TRERF1: variants seen among roughly 807,000 people sequenced by gnomAD.
TRERF1 encodes transcriptional-regulating factor 1.
A neutral mutation model predicts 122.9 loss-of-function variants in TRERF1; 27 were observed. That is an observed-to-expected ratio of 0.22 (90% CI 0.16 to 0.30). The LOEUF (loss-of-function observed/expected upper bound fraction) is 0.30. Ranked by LOEUF, TRERF1 falls within the 10% of genes least tolerant of loss-of-function variation. TRERF1 has a pLI of 1.00. For synonymous variants in TRERF1, 636 were observed against 641.7 expected (o/e 0.99, Z 0.13); for missense variants, 1,248 against 1,560.3 (o/e 0.80, Z 3.37).
chr6:42,400,539 AC>A (rs1779240987), intron 2 of TRERF1, among the ~76,000 whole-genome samples: 8 of 152,232 alleles, frequency 5.3e-5, no homozygotes, highest in Admixed American at 5.2e-4. Flanking sequence ...CCTTTCCCCA[AC>A]CCCAATCACC....
intron 3 of TRERF1, among the ~76,000 whole-genome samples, chr6:42,359,127 T>G (rs1220983085): frequency 1.3e-5 from 2 of 152,158 alleles, no homozygotes; most frequent in African/African-American, 4.8e-5. Flanking sequence ...GGAGGCCCTG[T>G]GCCAACCAGT....
In TRERF1 at chr6:42,259,591, G is replaced by A. The variant is rs759438683; in HGVS notation, c.2017C>T (p.Pro673Ser). 2 of 1,613,964 alleles carry A rather than the reference G, an allele frequency of 1.2e-6. No homozygotes were observed. The highest frequency in any genetic ancestry group is 1.7e-6 in the Non-Finnish European group (2 of 1,179,944). The change falls in exon 9 of 18, where the codon CCC becomes TCC. Residue 673 changes from proline to serine, a missense_variant. This residue lies in a region of TRERF1 where 946 missense variants were observed against 1,073.0 expected (regional missense o/e 0.88). Coordinates refer to ENST00000372922, the Ensembl canonical transcript of TRERF1. The surrounding 1 kb of genome is among the most constrained non-coding windows in gnomAD (Gnocchi z 4.9). Reference sequence around the variant, plus strand: ...GTGGCGCCCGAGTAGGAGGCAGCGGGGTTCGGGTTGTAGGAGGGCGGCGGC... The same window carrying A: ...GTGGCGCCCGAGTAGGAGGCAGCGGAGTTCGGGTTGTAGGAGGGCGGCGGC...
chr6:42,365,717 C>G (rs2150988615), intron 2 of TRERF1, among the ~76,000 whole-genome samples: 1 of 152,264 alleles, frequency 6.6e-6, no homozygotes, highest in South Asian at 2.1e-4. Context: ...TTCCACTTCC[C>G]TCTCGTCTTT....
At chr6:42,374,352 C>T (rs1230839105) in intron 2 of TRERF1, among the ~76,000 whole-genome samples, 2 of 152,138 alleles carry the variant, frequency 1.3e-5, no homozygotes, top group African/African-American at 4.8e-5. Flanking sequence ...CCCCTTCCTC[C>T]TCTTCACCAC....
chr6:42,407,313 C>T (rs1015401106), intron 2 of TRERF1, among the ~76,000 whole-genome samples: 4 of 152,250 alleles, frequency 2.6e-5, no homozygotes, highest in South Asian at 2.1e-4. Context: ...CTCTTTTCAC[C>T]GTTATTCGCA....
chr6:42,449,868 T>C (rs906893594), intron 2 of TRERF1, among the ~76,000 whole-genome samples: 3 of 152,214 alleles, frequency 2.0e-5, no homozygotes, highest in Non-Finnish European at 4.4e-5. Flanking sequence ...AACCCATTTT[T>C]CTCGACCCTG....
At chr6:42,368,471 A>G (rs1181753608) in intron 2 of TRERF1, among the ~76,000 whole-genome samples, 1 of 151,856 alleles carries the variant, frequency 6.6e-6, no homozygotes, top group Non-Finnish European at 1.5e-5. Context: ...GGTAAAGATA[A>G]AACAGCAAGC....
At chr6:42,344,806 T>C (rs1287551507) in intron 3 of TRERF1, among the ~76,000 whole-genome samples, 2 of 152,158 alleles carry the variant, frequency 1.3e-5, no homozygotes, top group Non-Finnish European at 2.9e-5. Context: ...CTACCCACCT[T>C]CTTTGTCTTA....
At chr6:42,266,578 A>C (rs1174233276) in intron 5 of TRERF1, among the ~76,000 whole-genome samples, 2 of 152,216 alleles carry the variant, frequency 1.3e-5, no homozygotes, top group Non-Finnish European at 2.9e-5. Flanking sequence ...AACCCCAGAC[A>C]AAACAAACTC....
At chr6:42,413,084 C>A (rs186596457) in intron 2 of TRERF1, among the ~76,000 whole-genome samples, 68 of 152,336 alleles carry the variant, frequency 4.5e-4, no homozygotes, top group East Asian at 1.9e-4. Flanking sequence ...CACAAACCAT[C>A]TTCTACCCTC....
chr6:42,429,379 G>A (rs754458561), intron 2 of TRERF1, among the ~76,000 whole-genome samples: 40 of 152,170 alleles, frequency 2.6e-4, no homozygotes, highest in Non-Finnish European at 5.0e-4. Context: ...AGTAGGCTCC[G>A]GGCCGTCCTA....
chr6:42,354,244 T>C (rs1770077950), intron 3 of TRERF1, among the ~76,000 whole-genome samples: 2 of 152,224 alleles, frequency 1.3e-5, no homozygotes, highest in Admixed American at 1.3e-4. Flanking sequence ...ACATTTTCTA[T>C]ATATTTGTTT....
chr6:42,303,559 C>T (rs1786593918), intron 3 of TRERF1, among the ~76,000 whole-genome samples: 1 of 152,140 alleles, frequency 6.6e-6, no homozygotes, highest in Non-Finnish European at 1.5e-5. Flanking sequence ...ATCAGGACTG[C>T]ACTGTTTCTT....
chr6:42,227,908 ACAGAAT>A (rs755726768), exon 18 of TRERF1: 2 of 155,668 alleles, frequency 1.3e-5, no homozygotes, highest in African/African-American at 2.4e-5. Flanking sequence ...TGAGGTCAGA[ACAGAAT>A]CAAAGTAACG....
chr6:42,295,580 A>T (rs997790009), intron 4 of TRERF1, among the ~76,000 whole-genome samples: 2 of 152,176 alleles, frequency 1.3e-5, no homozygotes, highest in African/African-American at 2.4e-5. Context: ...CTGCCCCATA[A>T]GACCAGCTCA....
At chr6:42,414,087 CAA>C (rs1310521763) in intron 2 of TRERF1, among the ~76,000 whole-genome samples, 1 of 152,108 alleles carries the variant, frequency 6.6e-6, no homozygotes, top group Non-Finnish European at 1.5e-5. Flanking sequence ...CTTTGAAAGA[CAA>C]AATCAACAGG....
chr6:42,298,208 T>A (rs1785422145), intron 4 of TRERF1, among the ~76,000 whole-genome samples: 1 of 151,856 alleles, frequency 6.6e-6, no homozygotes, highest in African/African-American at 2.4e-5. Context: ...CAGGCTGGAG[T>A]GCAGTGGTAT....
chr6:42,409,045 C>T lies in TRERF1; in HGVS notation c.-454+42132G>A, dbSNP rs667199. ...GCTCATGCCTGTAATCCCAACAATTCGGGAGGCTGAAGCAGGAAGATAATT... is the reference window on the plus strand; with the variant it reads ...GCTCATGCCTGTAATCCCAACAATTTGGGAGGCTGAAGCAGGAAGATAATT... On this transcript the variant is annotated intron_variant, in intron 2 of 17. Transcript: ENST00000372922. Among the ~76,000 whole-genome samples the T allele has an allele frequency of 1.5e-3, 229 of 152,098 alleles. 1 individual carries two copies. The highest frequency in any genetic ancestry group is 5.1e-3 in the African/African-American group (213 of 41,488).
intron 2 of TRERF1, among the ~76,000 whole-genome samples, chr6:42,398,313 AT>A (rs1467114306): frequency 6.6e-6 from 1 of 152,232 alleles, no homozygotes; most frequent in African/African-American, 2.4e-5. Context: ...GGCATGTACC[AT>A]TTAAACCCAG....
Sources: allele counts gnomAD v4.1 joint callset (sites outside exome capture counted in the v4.1 genomes callset), GRCh38; gene constraint gnomAD v4.1.1; regional missense constraint gnomAD v4.1.1; non-coding constraint Gnocchi (gnomAD v3.1); transcripts MANE v1.5; gene names NCBI Gene and HGNC (gene_info 2026-07-23, HGNC 2026-07-21).